The following ZFHX3 variants were observed in gnomAD, a reference collection of about 807,000 sequenced individuals.
The protein encoded by ZFHX3 is zinc finger homeobox 3, also known as zinc finger homeobox protein 3.
A neutral mutation model predicts 279.1 loss-of-function variants in ZFHX3; 42 were observed. The ratio of observed to expected loss-of-function variants is 0.15; its 90% CI spans 0.12 to 0.19. ZFHX3 has a LOEUF of 0.19. ZFHX3 is among the 10% of genes least tolerant of loss of function. The pLI is 1.00. For missense variants in ZFHX3, 4,981 were observed against 4,754.0 expected, an observed-to-expected ratio of 1.05 and a Z score of -1.40; for synonymous variants, 2,293 against 1,957.8, an observed-to-expected ratio of 1.17 and a Z score of -4.52.
chr16:73,253,401 A>C (rs1278485097), intron 5 of ZFHX3, among the ~76,000 whole-genome samples: 1 of 152,124 alleles, frequency 6.6e-6, no homozygotes, highest in Non-Finnish European at 1.5e-5. Context: ...CTGATCTTGG[A>C]GAACACACAA....
chr16:73,349,538 G>C (rs920968558), intron 3 of ZFHX3, among the ~76,000 whole-genome samples: 1 of 152,118 alleles, frequency 6.6e-6, no homozygotes, highest in Non-Finnish European at 1.5e-5. Flanking sequence ...GAGTACAGAT[G>C]TTATCAGTTT....
At chr16:73,293,324 C>G (rs2014821824) in intron 4 of ZFHX3, among the ~76,000 whole-genome samples, 1 of 152,178 alleles carries the variant, frequency 6.6e-6, no homozygotes, top group East Asian at 1.9e-4. Context: ...CCACAAAGCC[C>G]TTCATGAAGC....
At chr16:73,541,506 A>C (rs542849068) in intron 2 of ZFHX3, among the ~76,000 whole-genome samples, 1 of 152,070 alleles carries the variant, frequency 6.6e-6, no homozygotes, top group Admixed American at 6.6e-5. Context: ...AATAAAAATA[A>C]AAATAAAACA....
At chr16:73,575,877 C>A (rs1236103562) in intron 2 of ZFHX3, among the ~76,000 whole-genome samples, 1 of 152,114 alleles carries the variant, frequency 6.6e-6, no homozygotes, top group African/African-American at 2.4e-5. Context: ...CTGACCAGTT[C>A]ACACCGCGAT....
At chr16:73,145,965 G>A (rs7202026) in intron 5 of ZFHX3, among the ~76,000 whole-genome samples, 18,650 of 152,172 alleles carry the variant, frequency 0.12, 1,139 homozygotes, top group East Asian at 0.13. Context: ...TCTCAGGCAG[G>A]GGAAAGAAAT....
chr16:73,429,308 T>C (rs1318809503), intron 3 of ZFHX3, among the ~76,000 whole-genome samples: 1 of 152,058 alleles, frequency 6.6e-6, no homozygotes, highest in Admixed American at 6.5e-5. Context: ...CTATCAAATG[T>C]CATTTGGAAA....
upstream of ZFHX3, among the ~76,000 whole-genome samples, chr16:73,049,036 C>T (rs892325499): frequency 2.0e-5 from 3 of 152,130 alleles, no homozygotes; most frequent in Non-Finnish European, 4.4e-5. Context: ...GCGGCCACCC[C>T]AGTTGGTCAA....
intron 4 of ZFHX3, among the ~76,000 whole-genome samples, chr16:73,275,710 A>G (rs547943796): frequency 6.6e-6 from 1 of 152,232 alleles, no homozygotes; most frequent in Non-Finnish European, 1.5e-5. Flanking sequence ...AATTTAAAAT[A>G]CTTTATTGCT....
At chr16:73,066,299 C>T (rs1965751852) in intron 8 of ZFHX3, among the ~76,000 whole-genome samples, 1 of 152,182 alleles carries the variant, frequency 6.6e-6, no homozygotes, top group African/African-American at 2.4e-5. Context: ...AGGCCCCTTC[C>T]CTCCCCGCCT....
Position 73,461,421 on chromosome 16 carries a change from A to G in ZFHX3, c.-1546-5163T>C, listed in dbSNP as rs1006847322. On this transcript the variant is annotated intron_variant, in intron 2 of 17. Coordinates refer to the ZFHX3 transcript ENST00000641206. Reference sequence around the variant, plus strand: ...TTTTAAATTTTTTGGAGTCTAAGTTATCAGTTTTGCTTTTATGTGTCAAGT... The same window carrying G: ...TTTTAAATTTTTTGGAGTCTAAGTTGTCAGTTTTGCTTTTATGTGTCAAGT... 5.3e-5 allele frequency among the ~76,000 whole-genome samples: 8 copies of G among 152,128 alleles called. No individual in the cohort carries two copies. In the East Asian group the frequency reaches 1.5e-3, roughly 29 times the overall value.
chr16:73,042,348 C>T (rs1238707475), intron 1 of ZFHX3, among the ~76,000 whole-genome samples: 1 of 152,126 alleles, frequency 6.6e-6, no homozygotes, highest in Non-Finnish European at 1.5e-5. Context: ...AATGCAGAGC[C>T]TATGATAGAA....
chr16:73,383,552 T>G (rs1325043943), intron 3 of ZFHX3, among the ~76,000 whole-genome samples: 2 of 152,116 alleles, frequency 1.3e-5, no homozygotes, highest in Non-Finnish European at 2.9e-5. Flanking sequence ...GGGAAGAGAA[T>G]AGCATCACCG....
chr16:73,181,149 G>T (rs1967785616), intron 5 of ZFHX3, among the ~76,000 whole-genome samples: 1 of 151,740 alleles, frequency 6.6e-6, no homozygotes, highest in African/African-American at 2.4e-5. Flanking sequence ...TTGCCAGGCT[G>T]GAGTGCAGTG....
At chr16:73,194,239 A>C (rs1008168527) in intron 5 of ZFHX3, among the ~76,000 whole-genome samples, 2 of 151,766 alleles carry the variant, frequency 1.3e-5, no homozygotes, top group Non-Finnish European at 2.9e-5. Flanking sequence ...TCATTTTGTC[A>C]CCCAGGCTGG....
At chr16:73,863,578 C>T (rs144961776) in intron 1 of ZFHX3, among the ~76,000 whole-genome samples, 313 of 152,326 alleles carry the variant, frequency 2.1e-3, no homozygotes, top group Admixed American at 4.8e-3. Context: ...TGGTGACCAT[C>T]TGCTTAAGTT....
At chr16:72,866,693 G>A (rs565946884) in intron 4 of ZFHX3, among the ~76,000 whole-genome samples, 1 of 152,284 alleles carries the variant, frequency 6.6e-6, no homozygotes, top group South Asian at 2.1e-4. Flanking sequence ...AATGAGATGG[G>A]TGCTGGGTCT....
upstream of ZFHX3, among the ~76,000 whole-genome samples, chr16:73,049,248 G>A (rs762533314): frequency 1.3e-5 from 2 of 152,182 alleles, no homozygotes; most frequent in African/African-American, 2.4e-5. Flanking sequence ...GATTCTCACA[G>A]CACAGAAAGG....
At position 72,954,320 on chromosome 16, in the gene ZFHX3, AGACT is replaced by A. The variant is rs1375223901; in HGVS notation, c.2719+3103_2719+3106del. 2.0e-5 allele frequency among the ~76,000 whole-genome samples: 3 copies of A among 152,334 alleles called. No homozygotes were observed. The East Asian group carries it at 5.8e-4, about 29-fold the overall frequency. ...GGGAGGCAGGGGCTGCAGTGAGCCG[AGACT>A]GCGCTATTGCACTCCAGCCTGGGCG... On this transcript the variant is annotated intron_variant, in intron 2 of 9. Transcript: ENST00000268489.
intron 1 of ZFHX3, among the ~76,000 whole-genome samples, chr16:73,861,213 G>A (rs1052223686): frequency 4.6e-5 from 7 of 152,066 alleles, no homozygotes; most frequent in African/African-American, 1.7e-4. Context: ...TGATCTGCCC[G>A]CCTCGGTCTC....
Sources: allele counts gnomAD v4.1 joint callset (sites outside exome capture counted in the v4.1 genomes callset), GRCh38; gene constraint gnomAD v4.1.1; transcripts MANE v1.5; gene names NCBI Gene and HGNC (gene_info 2026-07-23, HGNC 2026-07-21).